Variants in HNRNPL observed in about 807,000 individuals in gnomAD.
The protein encoded by HNRNPL is heterogeneous nuclear ribonucleoprotein L.
HNRNPL carries 12 observed loss-of-function variants against 64.0 expected under a neutral mutation model. That is an observed-to-expected ratio of 0.19 (90% CI 0.12 to 0.30). HNRNPL has a LOEUF of 0.30. Among genes scored for constraint, HNRNPL ranks in the 10% least tolerant of loss-of-function variants. The pLI is 1.00. For synonymous variants in HNRNPL, 385 were observed against 313.0 expected (o/e 1.23, Z -2.43); for missense variants, 484 against 797.4 (o/e 0.61, Z 4.73).
upstream of HNRNPL, chr19:38,850,241 C>T (rs927203324): frequency 8.0e-6 from 3 of 374,822 alleles, no homozygotes; most frequent in Non-Finnish European, 9.5e-6. Context: ...GGTCGGATTT[C>T]TGGCGCTGCT....
chr19:38,849,527 T>G (rs899087696), intron 1 of HNRNPL, among the ~76,000 whole-genome samples, 173 bp downstream of exon 1: 1 of 151,820 alleles, frequency 6.6e-6, no homozygotes, highest in Non-Finnish European at 1.5e-5. Context: ...CGCAGGCGCC[T>G]GTCCTCGCGC....
intron 1 of HNRNPL, chr19:38,847,776 A>G (rs1265493421): frequency 1.2e-5 from 2 of 172,154 alleles, no homozygotes; most frequent in Non-Finnish European, 2.5e-5. Context: ...ACATGGGAAA[A>G]GAGTAGCTGG....
chr19:38,850,563 C>T (rs544619979), upstream of HNRNPL, among the ~76,000 whole-genome samples: 2 of 152,330 alleles, frequency 1.3e-5, no homozygotes, highest in South Asian at 2.1e-4. Flanking sequence ...CCAGGGTAGG[C>T]GCTCTTTGGT....
chr19:38,840,482 C>G lies in HNRNPL; in HGVS notation c.952+6G>C. On this transcript the variant is annotated splice_donor_region_variant and intron_variant, in intron 7 of 12. Transcript: ENST00000221419. Reference sequence around the variant, plus strand: ...GAGTCCACGGAGGGGAACCCCCTGCCCTCACCATATTCTGCGGGGTGATCT... The same window carrying G: ...GAGTCCACGGAGGGGAACCCCCTGCGCTCACCATATTCTGCGGGGTGATCT... 1 of 1,589,310 alleles carries G rather than the reference C, an allele frequency of 6.3e-7. No homozygotes were observed. Among genetic ancestry groups the G allele is most frequent in the Non-Finnish European group, 8.6e-7 (1 of 1,169,210 alleles).
Position 38,836,602 on chromosome 19 carries a change from A to T in HNRNPL, c.*120T>A, listed in dbSNP as rs1189601547. ...AGCCTCTACAAACCTAGCATTTAAAAAAAAAAAAAAAAAAAAAAAAAAGGA... is the reference window on the plus strand; with the variant it reads ...AGCCTCTACAAACCTAGCATTTAAATAAAAAAAAAAAAAAAAAAAAAAGGA... On this transcript the variant is annotated 3_prime_UTR_variant, in exon 13 of 13. Coordinates refer to ENST00000221419, the MANE Select transcript of HNRNPL (RefSeq NM_001533.3). 20 of 200,908 alleles carry T rather than the reference A, an allele frequency of 1.0e-4. No individual in the cohort carries two copies. The highest frequency in any genetic ancestry group is 7.7e-4 in the South Asian group (5 of 6,516). 12.4% of individuals were successfully genotyped at this position (200,908 alleles called of 1,614,324 possible).
rs115847196 is a variant in HNRNPL, at chr19:38,845,477, T to C, written c.710+173A>G. The stretch of plus-strand genomic sequence containing the variant: ...CCCTAAGATCTGCACGTCCACACGA[T>C]ATGCCTGGTCCTTTAACTGCCTCCC... On this transcript the variant is annotated intron_variant, in intron 4 of 12. Coordinates refer to ENST00000221419, the MANE Select transcript of HNRNPL (RefSeq NM_001533.3). 1,127 of 629,200 alleles carry C rather than the reference T, an allele frequency of 1.8e-3. 12 individuals are homozygous for C. In the African/African-American group the frequency reaches 0.019, roughly 11 times the overall value. 39.0% of individuals were successfully genotyped at this position (629,200 alleles called of 1,614,324 possible). A position where few individuals can be genotyped will look rare whatever the true frequency, so the allele number is the denominator to read the frequency against.
At chr19:38,849,115 C>G (rs931495881) in intron 1 of HNRNPL, among the ~76,000 whole-genome samples, 3 of 152,252 alleles carry the variant, frequency 2.0e-5, no homozygotes, top group African/African-American at 7.2e-5. Flanking sequence ...AGGCTTCGCT[C>G]AACTCCTAAA....
Position 38,836,676 on chromosome 19 carries a change from A to C in HNRNPL, c.*46T>G. 1 of 1,314,260 alleles carries C rather than the reference A, an allele frequency of 7.6e-7. No homozygotes were observed. Among genetic ancestry groups the C allele is most frequent in the Non-Finnish European group, 1.1e-6 (1 of 939,490 alleles). 81.4% of individuals were successfully genotyped at this position (1,314,260 alleles called of 1,614,324 possible). On this transcript the variant is annotated 3_prime_UTR_variant, in exon 13 of 13. Coordinates refer to ENST00000221419, the MANE Select transcript of HNRNPL (RefSeq NM_001533.3). Reference sequence around the variant, plus strand: ...AAAAACAAAAAATGGCATAAAGGAAAGAGAAATGTCTTCCTGCTCAGATGG... The same window carrying C: ...AAAAACAAAAAATGGCATAAAGGAACGAGAAATGTCTTCCTGCTCAGATGG...
chr19:38,837,547 C>T (rs1214736324), intron 11 of HNRNPL, 47 bp downstream of exon 11: 2 of 1,612,422 alleles, frequency 1.2e-6, no homozygotes, highest in East Asian at 2.2e-5. Context: ...CAGCTGCCCA[C>T]CAACCACCAT....
intron 1 of HNRNPL, among the ~76,000 whole-genome samples, chr19:38,848,404 T>C (rs1600069845): frequency 1.3e-5 from 2 of 152,196 alleles, no homozygotes; most frequent in African/African-American, 4.8e-5. Context: ...GAAAGTCTTT[T>C]AGAAAGACCA....
chr19:38,836,870 C>A, intron 12 of HNRNPL, 90 bp from the exon 13 acceptor site: 1 of 941,916 alleles, frequency 1.1e-6, no homozygotes, highest in Non-Finnish European at 1.7e-6. Flanking sequence ...CTCCCATTTT[C>A]TGCAGGTCAA....
intron 6 of HNRNPL, chr19:38,841,907 G>A (rs1427752560): frequency 3.1e-5 from 11 of 360,286 alleles, no homozygotes; most frequent in East Asian, 2.2e-4. Context: ...GCGGTGGTGC[G>A]GTGCTTCTGG....
chr19:38,837,923 T>C (rs866398426), intron 10 of HNRNPL, among the ~76,000 whole-genome samples: 1 of 152,238 alleles, frequency 6.6e-6, no homozygotes, highest in Non-Finnish European at 1.5e-5. Flanking sequence ...TGCTGAACAC[T>C]GTTTGCTGAA....
rs1196902921 is a variant in HNRNPL at position 38,849,733 on chromosome 19, T to TCCACCG, written c.228_233dup (p.Gly78_Gly79dup). 3.4e-5 allele frequency: 47 copies of TCCACCG among 1,384,848 alleles called. No homozygotes were observed. Among genetic ancestry groups the TCCACCG allele is most frequent in the South Asian group, 2.2e-4 (14 of 62,486 alleles). The allele number at this position is 1,384,848 out of a possible 1,614,324, so 85.8% of individuals were successfully genotyped here. A position where few individuals can be genotyped will look rare whatever the true frequency, so the allele number is the denominator to read the frequency against. ...CGCCGCCGCCCGCCGCCCCGGCTCC[T>TCCACCG]CCACCGCCACCGCCGCCGCCTCCGT... On this transcript the variant is annotated inframe_insertion, in exon 1 of 13. Coordinates refer to ENST00000221419, the MANE Select transcript of HNRNPL (RefSeq NM_001533.3).
chr19:38,840,022 CCT>C (rs2145413132), intron 8 of HNRNPL, 72 bp downstream of exon 8: 6 of 1,459,326 alleles, frequency 4.1e-6, no homozygotes, highest in Non-Finnish European at 5.7e-6. Flanking sequence ...CAGGCTCCCC[CCT>C]GGTTCTTTCC....
intron 12 of HNRNPL, 134 bp from the exon 13 acceptor site, chr19:38,836,914 A>G (rs746307885): frequency 3.2e-6 from 2 of 620,768 alleles, no homozygotes; most frequent in Non-Finnish European, 5.8e-6. Context: ...GCCCAACGTG[A>G]GGCTTCAAGA....
At chr19:38,849,515 CGCGCAG>C (rs958428871) in intron 1 of HNRNPL, 179 bp downstream of exon 1, 1 of 818,648 alleles carries the variant, frequency 1.2e-6, no homozygotes, top group African/African-American at 1.8e-5. Flanking sequence ...ACCCCGCGCA[CGCGCAG>C]GCGCCTGTCC....
At chr19:38,845,474 C>T (rs974396898) in intron 4 of HNRNPL, 176 bp downstream of exon 4, 8 of 625,798 alleles carry the variant, frequency 1.3e-5, no homozygotes, top group African/African-American at 9.2e-5. Flanking sequence ...CACGTCCACA[C>T]GATATGCCTG....
chr19:38,845,568 C>T, intron 4 of HNRNPL, 82 bp downstream of exon 4: 1 of 1,127,388 alleles, frequency 8.9e-7, no homozygotes. Flanking sequence ...TCAGCAGACA[C>T]ATGCTGGCTC....
Sources: allele counts gnomAD v4.1 joint callset (sites outside exome capture counted in the v4.1 genomes callset), GRCh38; gene constraint gnomAD v4.1.1; transcripts MANE v1.5; gene names NCBI Gene and HGNC (gene_info 2026-07-23, HGNC 2026-07-21).